Variants in GNAO1 observed in about 807,000 individuals in gnomAD.
The protein encoded by GNAO1 is G protein subunit alpha o1, also known as guanine nucleotide-binding protein G(o) subunit alpha.
For missense variants in GNAO1, 166 were observed against 478.7 expected, an observed-to-expected ratio of 0.35 and a Z score of 6.10; for synonymous variants, 164 against 180.7, an observed-to-expected ratio of 0.91 and a Z score of 0.74.
At chr16:56,325,912 C>A (rs1441088564) in intron 3 of GNAO1, among the ~76,000 whole-genome samples, 1 of 152,208 alleles carries the variant, frequency 6.6e-6, no homozygotes, top group Non-Finnish European at 1.5e-5. Flanking sequence ...ACTAGCGACT[C>A]TGGGGCCACA....
chr16:56,352,048 A>C (rs1222560770), intron 7 of GNAO1: 1 of 155,442 alleles, frequency 6.4e-6, no homozygotes, highest in Non-Finnish European at 1.4e-5. Flanking sequence ...GCAGCCGCCC[A>C]GCCAGACCAC....
At position 56,196,898 on chromosome 16, in the gene GNAO1, G is replaced by A. The variant is rs1351532480; in HGVS notation, c.161+4282G>A. Among the ~76,000 whole-genome samples, 7 of 152,204 alleles carry A rather than the reference G, an allele frequency of 4.6e-5. No homozygotes were observed. The South Asian group carries it at 1.2e-3, about 27-fold the overall frequency. On this transcript the variant is annotated intron_variant, in intron 2 of 8. Transcript: ENST00000262493. ...AGCCTGACAAGTGGGATGTGATTCA[G>A]AGAACAGACCCTACCCTGTCAGGAA...
At chr16:56,276,240 C>G in intron 3 of GNAO1, 168 bp downstream of exon 3, 1 of 517,874 alleles carries the variant, frequency 1.9e-6, no homozygotes, top group Non-Finnish European at 3.3e-6. Context: ...ATCCACCCCT[C>G]TGGCAAACTC....
chr16:56,337,003 G>A, intron 6 of GNAO1, 143 bp downstream of exon 6: 1 of 794,144 alleles, frequency 1.3e-6, no homozygotes, highest in Non-Finnish European at 2.0e-6. Flanking sequence ...TTCCATCATG[G>A]ACAGGCCGTG....
rs531085479 is a variant in GNAO1 at position 56,305,188 on chromosome 16, CG to C, written c.304-23442del. ...AGATGGTACCTAGTGCCCATCTCAA[CG>C]TATAGCCTGGAGTCCATTTATTCCA... On this transcript the variant is annotated intron_variant, in intron 3 of 8. Transcript: ENST00000262493. 3.0e-3 allele frequency among the ~76,000 whole-genome samples: 461 copies of C among 152,270 alleles called. 3 individuals are homozygous for C. Among genetic ancestry groups the C allele is most frequent in the African/African-American group, 0.01 (435 of 41,536 alleles).
At position 56,354,814 on chromosome 16, in the gene GNAO1, C is replaced by A; in HGVS notation, c.878-52C>A. 8.8e-7 allele frequency: 1 copy of A among 1,142,138 alleles called. No homozygotes were observed. The highest frequency in any genetic ancestry group is 1.3e-6 in the Non-Finnish European group (1 of 760,294). 70.8% of individuals were successfully genotyped at this position (1,142,138 alleles called of 1,614,324 possible). ...TTGTCTTCATGTCCCCAGCCCTGTC[C>A]ACCCACAGCGCTCATCAGGGCCTCT... On this transcript the variant is annotated intron_variant, in intron 7 of 8. Transcript: ENST00000262493. The surrounding 1 kb of genome is among the most constrained non-coding windows in gnomAD (Gnocchi z 4.3).
Position 56,323,601 on chromosome 16 carries a change from A to C in GNAO1, c.304-5030A>C, listed in dbSNP as rs796705993. 1.3e-4 allele frequency among the ~76,000 whole-genome samples: 20 copies of C among 151,828 alleles called. 1 individual carries two copies. Among genetic ancestry groups the C allele is most frequent in the African/African-American group, 4.8e-4 (20 of 41,388 alleles). On this transcript the variant is annotated intron_variant, in intron 3 of 8. Transcript: ENST00000262493. Reference sequence around the variant, plus strand: ...ACAACCTTTCCTGAGGCCTTACTTCACTTCAGCTTACCTTTCTTTGTGCAG... The same window carrying C: ...ACAACCTTTCCTGAGGCCTTACTTCCCTTCAGCTTACCTTTCTTTGTGCAG...
chr16:56,294,661 G>A (rs1236983546), intron 3 of GNAO1, among the ~76,000 whole-genome samples: 4 of 152,190 alleles, frequency 2.6e-5, no homozygotes, highest in African/African-American at 9.7e-5. Context: ...CACGTTGGGA[G>A]GGTATGTTAA....
intron 6 of GNAO1, among the ~76,000 whole-genome samples, chr16:56,339,236 A>G (rs1453731774): frequency 2.0e-5 from 3 of 152,246 alleles, no homozygotes; most frequent in African/African-American, 7.2e-5. Flanking sequence ...TCCAGGGTCT[A>G]GCATCACCCC....
intron 2 of GNAO1, among the ~76,000 whole-genome samples, chr16:56,230,279 A>G (rs577400844): frequency 2.4e-4 from 36 of 152,284 alleles, no homozygotes; most frequent in African/African-American, 7.9e-4. Flanking sequence ...CATGCCCCTC[A>G]GTGGGATCTT....
At chr16:56,349,880 C>T (rs2037905331) in intron 6 of GNAO1, among the ~76,000 whole-genome samples, 1 of 152,178 alleles carries the variant, frequency 6.6e-6, no homozygotes, top group Admixed American at 6.5e-5. Context: ...GTAAGACGCA[C>T]GGAGCCCGCC....
intron 2 of GNAO1, among the ~76,000 whole-genome samples, chr16:56,231,037 G>A (rs985427328): frequency 6.6e-6 from 1 of 152,246 alleles, no homozygotes; most frequent in Non-Finnish European, 1.5e-5. Context: ...TCCCCACCCT[G>A]TGGGTATGTC....
At chr16:56,209,594 T>C (rs1330794189) in intron 2 of GNAO1, among the ~76,000 whole-genome samples, 1 of 152,248 alleles carries the variant, frequency 6.6e-6, no homozygotes, top group East Asian at 1.9e-4. Flanking sequence ...GTCTTCCTGA[T>C]CCATGAGCAT....
intron 1 of GNAO1, 25 bp downstream of exon 1, chr16:56,192,378 A>AGG: frequency 9.8e-7 from 1 of 1,023,900 alleles, no homozygotes; most frequent in Non-Finnish European, 1.4e-6. Flanking sequence ...TGCTACCCCC[A>AGG]TCCCCCGACC....
intron 3 of GNAO1, among the ~76,000 whole-genome samples, chr16:56,279,327 T>C (rs571227884): frequency 1.3e-5 from 2 of 152,238 alleles, no homozygotes; most frequent in East Asian, 1.9e-4. Context: ...GTGGAGTCAC[T>C]TGGGGCCCCG....
intron 2 of GNAO1, among the ~76,000 whole-genome samples, chr16:56,233,140 C>T (rs1017844931): frequency 2.6e-5 from 4 of 152,158 alleles, no homozygotes; most frequent in Non-Finnish European, 5.9e-5. Context: ...GCTCATAGTA[C>T]CTGGCTAAAG....
chr16:56,264,871 A>G (rs2036937175), intron 2 of GNAO1, among the ~76,000 whole-genome samples: 1 of 150,960 alleles, frequency 6.6e-6, no homozygotes, highest in South Asian at 2.1e-4. Flanking sequence ...AATAATTACT[A>G]AAGTGGTCAT....
chr16:56,341,901 G>C (rs966617594), intron 6 of GNAO1, among the ~76,000 whole-genome samples: 3 of 152,220 alleles, frequency 2.0e-5, no homozygotes, highest in African/African-American at 7.2e-5. Flanking sequence ...CCTGCCCTGA[G>C]GCCTTGGAGG....
At chr16:56,304,031 C>T (rs973392090) in intron 3 of GNAO1, among the ~76,000 whole-genome samples, 1 of 152,238 alleles carries the variant, frequency 6.6e-6, no homozygotes, top group Non-Finnish European at 1.5e-5. Context: ...CAAGTTCATT[C>T]ACTTGGCAAA....
Sources: gnomAD v4.1 joint callset for allele counts (sites outside exome capture counted in the v4.1 genomes callset) on GRCh38, gnomAD v4.1.1 for gene constraint, Gnocchi (gnomAD v3.1) non-coding constraint, MANE v1.5 for transcripts, NCBI Gene and HGNC (gene_info 2026-07-23, HGNC 2026-07-21) for gene names.